Variants in SNX31 observed in about 807,000 individuals in gnomAD.
SNX31 encodes sorting nexin-31.
A neutral mutation model predicts 65.4 loss-of-function variants in SNX31; 58 were observed. That is an observed-to-expected ratio of 0.89 (90% CI 0.72 to 1.10). The LOEUF (loss-of-function observed/expected upper bound fraction) is 1.10, where lower values mean the gene tolerates loss of function less well. SNX31 is among the 50% of genes least tolerant of loss of function. The pLI, the probability that SNX31 is intolerant of heterozygous loss-of-function variation, is 0.00. For synonymous variants in SNX31, 181 were observed against 190.1 expected, an observed-to-expected ratio of 0.95 and a Z score of 0.39; for missense variants, 523 against 529.7, an observed-to-expected ratio of 0.99 and a Z score of 0.12.
At chr8:100,602,512 G>T (rs1226872347) in intron 8 of SNX31, among the ~76,000 whole-genome samples, 1 of 152,108 alleles carries the variant, frequency 6.6e-6, no homozygotes, top group African/African-American at 2.4e-5. Flanking sequence ...GTTTTTTCCT[G>T]CATATACATA....
At position 100,625,247 on chromosome 8, in the gene SNX31, G is replaced by A. The variant is rs577021905; in HGVS notation, c.321+5080C>T. ...GGGCTGCCTTAATGTTTTAAAATAC[G>A]TGCTTTGTTGCTATTCTGCTCTGAG... On this transcript the variant is annotated intron_variant, in intron 4 of 13. Transcript: ENST00000311812. The surrounding 1 kb of genome is among the most constrained non-coding windows in gnomAD (Gnocchi z 4.2). Among the ~76,000 whole-genome samples, 3 of 152,048 alleles carry A rather than the reference G, an allele frequency of 2.0e-5. No individual in the cohort carries two copies. The highest frequency in any genetic ancestry group is 6.6e-5 in the Admixed American group (1 of 15,262).
In SNX31 at chr8:100,582,712, T is replaced by C. The variant is rs552874866; in HGVS notation, c.1170+1399A>G. Reference sequence around the variant, plus strand: ...AAGTTTCCTGGCCGGGTGCGGTGGCTCATGCCTGTAATCCCAGCACTTTAG... The same window carrying C: ...AAGTTTCCTGGCCGGGTGCGGTGGCCCATGCCTGTAATCCCAGCACTTTAG... On this transcript the variant is annotated intron_variant, in intron 12 of 13. Coordinates refer to ENST00000311812, the MANE Select transcript of SNX31 (RefSeq NM_152628.4). Among the ~76,000 whole-genome samples, 18 of 152,024 alleles carry C rather than the reference T, an allele frequency of 1.2e-4. No homozygotes were observed. The South Asian group carries it at 3.5e-3, about 30-fold the overall frequency.
chr8:100,624,985 T>A (rs1817950657), intron 4 of SNX31, among the ~76,000 whole-genome samples: 1 of 148,198 alleles, frequency 6.7e-6, no homozygotes, highest in Non-Finnish European at 1.5e-5. Flanking sequence ...CTTATTATTA[T>A]TTTTTTGTAG....
chr8:100,649,440 T>C lies in SNX31; in HGVS notation c.66+9A>G, dbSNP rs746554123. 2.6e-6 allele frequency: 3 copies of C among 1,137,132 alleles called. No homozygotes were observed. The South Asian group carries it at 3.8e-5, about 14-fold the overall frequency. The allele number at this position is 1,137,132 out of a possible 1,614,324, so 70.4% of individuals were successfully genotyped here. Reference sequence around the variant, plus strand: ...TCCCTGCCCACCCTGACCCCAGCCCTGGGCGCACCACGTAGCGGCCCCCCA... The same window carrying C: ...TCCCTGCCCACCCTGACCCCAGCCCCGGGCGCACCACGTAGCGGCCCCCCA... On this transcript the variant is annotated intron_variant, in intron 1 of 13. Coordinates refer to ENST00000311812, the MANE Select transcript of SNX31 (RefSeq NM_152628.4).
Position 100,596,650 on chromosome 8 carries a change from C to T in SNX31, c.967G>A (p.Val323Ile), listed in dbSNP as rs769384546. The T allele has an allele frequency of 2.5e-6, 4 of 1,614,036 alleles. No individual in the cohort carries two copies. The highest frequency in any genetic ancestry group is 3.4e-6 in the Non-Finnish European group (4 of 1,179,920). The change falls in exon 10 of 14, where the codon GTC becomes ATC. Residue 323 changes from valine (V) to isoleucine (I), a missense_variant. Coordinates refer to ENST00000311812, the MANE Select transcript of SNX31 (RefSeq NM_152628.4). ...GCCAAGATACTCACAAGGAAAGTGACCTGCCAGCACTTCACCCTGCTCATC... is the reference window on the plus strand; with the variant it reads ...GCCAAGATACTCACAAGGAAAGTGATCTGCCAGCACTTCACCCTGCTCATC... ...FQMSRVKCWQ[V>I]TFLGTLLDTD...
chr8:100,616,899 C>T (rs1332088659), intron 5 of SNX31, among the ~76,000 whole-genome samples: 1 of 152,186 alleles, frequency 6.6e-6, no homozygotes, highest in Non-Finnish European at 1.5e-5. Context: ...ATGTTTATAA[C>T]TTTGTCTTTT....
At position 100,575,405 on chromosome 8, in the gene SNX31, G is replaced by A. The variant is rs1812965858; in HGVS notation, c.1228-1445C>T. ...CAGGATAAGGTCTATACAACAGTTT[G>A]CAAAATAAATTAAAACTCAATATAG... On this transcript the variant is annotated intron_variant, in intron 13 of 13. Transcript: ENST00000311812. This position sits in a 1 kb window ranked among gnomAD's most constrained non-coding sequence, Gnocchi z 5.1. Among the ~76,000 whole-genome samples, 1 of 152,202 alleles carries A rather than the reference G, an allele frequency of 6.6e-6. No individual in the cohort carries two copies. Among genetic ancestry groups the A allele is most frequent in the South Asian group, 2.1e-4 (1 of 4,828 alleles).
rs76018938 is a variant in SNX31 at position 100,594,771 on chromosome 8, C to T, written c.978+1868G>A. ...AAAAAGTAAACATGCAATTACCGTACGACCCAGCAATTGCACTTGTGGGCA... is the reference window on the plus strand; with the variant it reads ...AAAAAGTAAACATGCAATTACCGTATGACCCAGCAATTGCACTTGTGGGCA... On this transcript the variant is annotated intron_variant, in intron 10 of 13. Coordinates refer to ENST00000311812, the MANE Select transcript of SNX31 (RefSeq NM_152628.4). The surrounding 1 kb of genome is among the most constrained non-coding windows in gnomAD (Gnocchi z 4.0). Among the ~76,000 whole-genome samples, 7,564 of 152,240 alleles carry T rather than the reference C, an allele frequency of 0.05. 438 individuals carry two copies. Among genetic ancestry groups the T allele is most frequent in the Admixed American group, 0.16 (2,500 of 15,278 alleles).
chr8:100,610,331 A>C lies in SNX31; in HGVS notation c.611+1669T>G, dbSNP rs1816595630. Among the ~76,000 whole-genome samples the C allele has an allele frequency of 6.7e-6, 1 of 150,060 alleles. No individual in the cohort carries two copies. Among genetic ancestry groups the C allele is most frequent in the Non-Finnish European group, 1.5e-5 (1 of 67,810 alleles). The stretch of plus-strand genomic sequence containing the variant: ...TTTGATCTCAGGTTTTATGAAGCGC[A>C]CATGAGTGAAAATCTAAGCCCCAAA... On this transcript the variant is annotated intron_variant, in intron 7 of 13. Coordinates refer to ENST00000311812, the MANE Select transcript of SNX31 (RefSeq NM_152628.4). This position sits in a 1 kb window ranked among gnomAD's most constrained non-coding sequence, Gnocchi z 4.0.
In SNX31 at chr8:100,573,746, A is replaced by G. The variant is rs1159466272; in HGVS notation, c.*119T>C. Reference sequence around the variant, plus strand: ...GATGAATACAGTCCATGTTAATGCCAAAAAAATGGGAAGAGGTCAAATTTC... The same window carrying G: ...GATGAATACAGTCCATGTTAATGCCGAAAAAATGGGAAGAGGTCAAATTTC... On this transcript the variant is annotated 3_prime_UTR_variant, in exon 14 of 14. Coordinates refer to ENST00000311812, the MANE Select transcript of SNX31 (RefSeq NM_152628.4). The G allele has an allele frequency of 1.7e-6, 1 of 593,754 alleles. No homozygotes were observed. The highest frequency in any genetic ancestry group is 2.9e-6 in the Non-Finnish European group (1 of 347,262). 36.8% of individuals were successfully genotyped at this position (593,754 alleles called of 1,614,324 possible). A position where few individuals can be genotyped will look rare whatever the true frequency, so the allele number is the denominator to read the frequency against.
chr8:100,618,303 A>T, intron 4 of SNX31: 3 of 1,529,242 alleles, frequency 2.0e-6, no homozygotes, highest in Non-Finnish European at 2.6e-6. Flanking sequence ...TAAAGTCTGC[A>T]TCCTTAACAG....
chr8:100,584,288 A>G (rs1813829236), intron 11 of SNX31, 100 bp from the exon 12 acceptor site: 1 of 793,320 alleles, frequency 1.3e-6, no homozygotes, highest in Non-Finnish European at 1.9e-6. Context: ...CTGCCCTCCA[A>G]TAACACAGAT....
At chr8:100,657,624 G>A (rs1820072757) in intron 1 of SNX31, 1 of 455,272 alleles carries the variant, frequency 2.2e-6, no homozygotes. Context: ...GTGGGAAGGA[G>A]GTCCAGCTGG....
chr8:100,647,958 A>G (rs1819750379), intron 2 of SNX31, among the ~76,000 whole-genome samples: 1 of 152,222 alleles, frequency 6.6e-6, no homozygotes, highest in African/African-American at 2.4e-5. Flanking sequence ...TTCTTCATTC[A>G]ATCATTTGAC....
At position 100,583,795 on chromosome 8, in the gene SNX31, G is replaced by A. The variant is rs11992369; in HGVS notation, c.1170+316C>T. Among the ~76,000 whole-genome samples the A allele has an allele frequency of 9.1e-3, 1,392 of 152,284 alleles. 33 individuals are homozygous for A. The highest frequency in any genetic ancestry group is 0.032 in the African/African-American group (1,340 of 41,548). ...ACCCTGACTTGAAGATGTAGCTTCT[G>A]TAATAAATCTGAAAGCCTCCATGTC... On this transcript the variant is annotated intron_variant, in intron 12 of 13. Transcript: ENST00000311812.
At chr8:100,624,909 C>G (rs1325734743) in intron 4 of SNX31, among the ~76,000 whole-genome samples, 1 of 152,072 alleles carries the variant, frequency 6.6e-6, no homozygotes, top group East Asian at 1.9e-4. Context: ...TCAAGCAATC[C>G]TCCTGCCTCA....
chr8:100,578,542 A>T lies in SNX31; in HGVS notation c.1171-1467T>A, dbSNP rs1813231263. On this transcript the variant is annotated intron_variant, in intron 12 of 13. Coordinates refer to ENST00000311812, the MANE Select transcript of SNX31 (RefSeq NM_152628.4). The surrounding 1 kb of genome is among the most constrained non-coding windows in gnomAD (Gnocchi z 4.7). ...TTTAAAAATAAGTGGGCTAAATAACATGACACTGCAAAAAAGCATTACCTT... is the reference window on the plus strand; with the variant it reads ...TTTAAAAATAAGTGGGCTAAATAACTTGACACTGCAAAAAAGCATTACCTT... 6.6e-6 allele frequency among the ~76,000 whole-genome samples: 1 copy of T among 152,140 alleles called. No homozygotes were observed. Among genetic ancestry groups the T allele is most frequent in the African/African-American group, 2.4e-5 (1 of 41,430 alleles).
chr8:100,659,353 C>CAAAAAAA (rs148671568), intron 1 of SNX31, among the ~76,000 whole-genome samples: 15 of 71,420 alleles, frequency 2.1e-4, no homozygotes, highest in East Asian at 1.2e-3. Flanking sequence ...AACTCCATCA[C>CAAAAAAA]AAAAAAAAAA....
Position 100,660,327 on chromosome 8 carries a change from T to C in SNX31, c.-58+2815A>G, listed in dbSNP as rs112659964. On this transcript the variant is annotated intron_variant, in intron 1 of 5. Transcript: ENST00000520352. The surrounding 1 kb of genome is among the most constrained non-coding windows in gnomAD (Gnocchi z 4.1). Reference sequence around the variant, plus strand: ...GGTGAGCTTGTCCCAGTCACATTGTTTAAAAGTGGCAGGGCCAGAAATTGA... The same window carrying C: ...GGTGAGCTTGTCCCAGTCACATTGTCTAAAAGTGGCAGGGCCAGAAATTGA... 2.6e-5 allele frequency among the ~76,000 whole-genome samples: 4 copies of C among 152,202 alleles called. No individual in the cohort carries two copies. The highest frequency in any genetic ancestry group is 5.9e-5 in the Non-Finnish European group (4 of 68,030).
Sources: gnomAD v4.1 joint callset for allele counts (sites outside exome capture counted in the v4.1 genomes callset) on GRCh38, gnomAD v4.1.1 for gene constraint, Gnocchi (gnomAD v3.1) non-coding constraint, MANE v1.5 for transcripts, NCBI Gene and HGNC (gene_info 2026-07-23, HGNC 2026-07-21) for gene names.